The following CTNS variants were observed in gnomAD, a reference collection of about 807,000 sequenced individuals.
CTNS encodes the protein cystinosin, lysosomal cystine transporter.
CTNS carries 27 observed loss-of-function variants against 43.7 expected under a neutral mutation model. The ratio of observed to expected loss-of-function variants is 0.62; its 90% CI spans 0.46 to 0.85. The LOEUF (loss-of-function observed/expected upper bound fraction) is 0.85, where lower values mean the gene tolerates loss of function less well. Ranked by LOEUF, CTNS falls within the 40% of genes least tolerant of loss-of-function variation. The pLI is 0.00. For missense variants in CTNS, 457 were observed against 475.4 expected (o/e 0.96, Z 0.36); for synonymous variants, 187 against 190.6 (o/e 0.98, Z 0.16).
At chr17:3,646,454 A>AT (rs2075846036) in intron 3 of CTNS, among the ~76,000 whole-genome samples, 2 of 151,706 alleles carry the variant, frequency 1.3e-5, no homozygotes, top group South Asian at 4.2e-4. Context: ...AACCCAGCTA[A>AT]TTTTTTGTAT....
Position 3,654,985 on chromosome 17 carries a change from GT to G in CTNS, c.226-12del, listed in dbSNP as rs1395166205. On this transcript the variant is annotated splice_polypyrimidine_tract_variant and intron_variant, in intron 5 of 11. Coordinates refer to ENST00000046640, the MANE Select transcript of CTNS (RefSeq NM_004937.3). ...GTACGTGGCATCGGATTGAACCTCA[GT>G]CTTCCTAACAGGTTGTGGTGCCTCC... 1 of 1,598,020 alleles carries G rather than the reference GT, an allele frequency of 6.3e-7. No homozygotes were observed. Among genetic ancestry groups the G allele is most frequent in the East Asian group, 2.2e-5 (1 of 44,810 alleles).
At chr17:3,654,942 G>C in intron 5 of CTNS, 56 bp from the exon 6 acceptor site, 1 of 1,263,498 alleles carries the variant, frequency 7.9e-7, no homozygotes, top group Non-Finnish European at 1.2e-6. Flanking sequence ...CTAGATGCCA[G>C]CGGGGTCCTC....
chr17:3,641,355 G>GAGATATATATATATATAT (rs777820533), intron 3 of CTNS, among the ~76,000 whole-genome samples: 5 of 64,060 alleles, frequency 7.8e-5, no homozygotes, highest in African/African-American at 4.1e-4. Context: ...ACAAAAATCA[G>GAGATATATATATATATAT]ATACATATAT....
Position 3,658,431 on chromosome 17 carries a change from G to A in CTNS, c.852+256G>A, listed in dbSNP as rs141463123. Among the ~76,000 whole-genome samples the A allele has an allele frequency of 1.7e-3, 266 of 152,294 alleles. 2 individuals carry two copies. Among genetic ancestry groups the A allele is most frequent in the African/African-American group, 6.3e-3 (260 of 41,562 alleles). ...CCCCTAAGCATCAGGTGTGCGGGTG[G>A]TTCCCCTTCTCCACACCCCAGCCTT... On this transcript the variant is annotated intron_variant, in intron 10 of 11. Coordinates refer to ENST00000046640, the MANE Select transcript of CTNS (RefSeq NM_004937.3).
intron 3 of CTNS, among the ~76,000 whole-genome samples, chr17:3,642,033 G>A (rs2075722984): frequency 7.1e-6 from 1 of 141,352 alleles, no homozygotes; most frequent in Non-Finnish European, 1.6e-5. Flanking sequence ...GCGTGTATTT[G>A]CCTGGGCCTG....
At chr17:3,638,180 T>C (rs1206492073) in intron 2 of CTNS, among the ~76,000 whole-genome samples, 4 of 152,154 alleles carry the variant, frequency 2.6e-5, no homozygotes, top group African/African-American at 9.6e-5. Flanking sequence ...TTCATTTCTA[T>C]CTTGTAGCTT....
In CTNS at chr17:3,642,041, CTG is replaced by C. The variant is rs371619089; in HGVS notation, c.61+1788_61+1789del. ...TGCGCGCGCGTGTATTTGCCTGGGC[CTG>C]TGTGTGTGTGTGTACCCGGGCGTGT... On this transcript the variant is annotated intron_variant, in intron 3 of 11. Transcript: ENST00000046640. Among the ~76,000 whole-genome samples the C allele has an allele frequency of 1.3e-3, 190 of 143,772 alleles. 3 individuals are homozygous for C. The highest frequency in any genetic ancestry group is 4.7e-3 in the African/African-American group (179 of 37,834). 94.3% of individuals were successfully genotyped at this position (143,772 alleles called of 152,430 possible).
chr17:3,647,014 G>T (rs1311235813), intron 3 of CTNS, among the ~76,000 whole-genome samples: 1 of 152,180 alleles, frequency 6.6e-6, no homozygotes, highest in Non-Finnish European at 1.5e-5. Context: ...GAAAGGGGCT[G>T]GCCCAGTTCT....
intron 3 of CTNS, among the ~76,000 whole-genome samples, chr17:3,642,090 C>T (rs902338240): frequency 1.6e-5 from 2 of 125,958 alleles, no homozygotes; most frequent in South Asian, 2.5e-4. Context: ...TGTGCCTGGG[C>T]GTGTGTGTGT....
rs543539440 is a variant in CTNS, at chr17:3,662,265, C to G, written c.*1896C>G. 6.6e-6 allele frequency among the ~76,000 whole-genome samples: 1 copy of G among 151,652 alleles called. No homozygotes were observed. Among genetic ancestry groups the G allele is most frequent in the South Asian group, 2.1e-4 (1 of 4,806 alleles). ...GGCGGAGGTTGCAGTGAGCGAAGATCACGCCATTGCACTCCAGCCTGGGCA... is the reference window on the plus strand; with the variant it reads ...GGCGGAGGTTGCAGTGAGCGAAGATGACGCCATTGCACTCCAGCCTGGGCA... On this transcript the variant is annotated 3_prime_UTR_variant, in exon 12 of 12. Coordinates refer to ENST00000046640, the MANE Select transcript of CTNS (RefSeq NM_004937.3).
chr17:3,650,251 C>T (rs1409367867), intron 5 of CTNS: 3 of 1,550,472 alleles, frequency 1.9e-6, no homozygotes, highest in Admixed American at 2.0e-5. Flanking sequence ...TGCAAATCAG[C>T]TCTGAGCCCC....
chr17:3,649,451 C>CA (rs34213111), intron 5 of CTNS, among the ~76,000 whole-genome samples: 2,734 of 94,816 alleles, frequency 0.029, 36 homozygotes, highest in Middle Eastern at 0.06. Context: ...GACTCCTTCT[C>CA]AAAAAAAAAA....
In CTNS at chr17:3,662,205, G is replaced by A. The variant is rs1432634931; in HGVS notation, c.*1836G>A. On this transcript the variant is annotated 3_prime_UTR_variant, in exon 12 of 12. Coordinates refer to ENST00000046640, the MANE Select transcript of CTNS (RefSeq NM_004937.3). The stretch of plus-strand genomic sequence containing the variant: ...GGGCACCTGTAATCCCAGCTACTTG[G>A]TTGGCTGAGGCAGGAGAATTACTTG... Among the ~76,000 whole-genome samples, 1 of 152,088 alleles carries A rather than the reference G, an allele frequency of 6.6e-6. No individual in the cohort carries two copies. The highest frequency in any genetic ancestry group is 2.4e-5 in the African/African-American group (1 of 41,398).
In CTNS at chr17:3,662,452, G is replaced by T. The variant is rs533200063; in HGVS notation, c.*2083G>T. Among the ~76,000 whole-genome samples, 1 of 152,120 alleles carries T rather than the reference G, an allele frequency of 6.6e-6. No homozygotes were observed. The highest frequency in any genetic ancestry group is 6.5e-5 in the Admixed American group (1 of 15,272). Reference sequence around the variant, plus strand: ...ACTCACCCCCATCTGGCCAGATCACGGCCCCCAGCAACACGTGGGGTTGTG... The same window carrying T: ...ACTCACCCCCATCTGGCCAGATCACTGCCCCCAGCAACACGTGGGGTTGTG... On this transcript the variant is annotated 3_prime_UTR_variant, in exon 12 of 12. Coordinates refer to ENST00000046640, the MANE Select transcript of CTNS (RefSeq NM_004937.3).
rs761265471 is a variant in CTNS at position 3,647,488 on chromosome 17, A to G, written c.106A>G (p.Asn36Asp). ...TGTTCCTCCTGTCGTAAAGCTGGAG[A>G]ACGGCAGCTCGACCAACGTCAGCCT... ...LTVPPVVKLE[N>D]GSSTNVSLTL... is the part of the protein sequence containing the mutation. The change falls in exon 4 of 12, where the codon AAC (asparagine) becomes GAC (aspartate). Residue 36 changes from asparagine to aspartate, a missense_variant. Physicochemically the swap from Asn to Asp is conservative, Grantham distance 23 (BLOSUM62 1). Coordinates refer to ENST00000046640, the MANE Select transcript of CTNS (RefSeq NM_004937.3). 1.2e-6 allele frequency: 2 copies of G among 1,614,108 alleles called. No homozygotes were observed. The highest frequency in any genetic ancestry group is 1.7e-6 in the Non-Finnish European group (2 of 1,179,980).
Position 3,656,783 on chromosome 17 carries a change from C to T in CTNS, c.669C>T (p.Cys223=). The T allele has an allele frequency of 6.2e-7, 1 of 1,613,338 alleles. No homozygotes were observed. Among genetic ancestry groups the T allele is most frequent in the Non-Finnish European group, 8.5e-7 (1 of 1,179,994 alleles). ...TCACGCTGATCATCATCGTGCAGTG[C>T]TGCCTGTATGAGGTGAGACCAGCCC... is the stretch of plus-strand genomic sequence containing the variant. ...VVLTLIIIVQ[C]CLYERGGQRV... The change falls in exon 9 of 12, where the codon TGC becomes TGT. Residue 223 remains cysteine, a synonymous_variant. Coordinates refer to ENST00000046640, the MANE Select transcript of CTNS (RefSeq NM_004937.3).
At chr17:3,647,370 G>T in intron 3 of CTNS, 74 bp from the exon 4 acceptor site, 1 of 1,293,864 alleles carries the variant, frequency 7.7e-7, no homozygotes, top group Non-Finnish European at 1.1e-6. Context: ...GATGTCAGGG[G>T]TTTCGGCCCA....
Position 3,650,064 on chromosome 17 carries a change from A to G in CTNS, c.225+1133A>G, listed in dbSNP as rs191383258. 9.1e-5 allele frequency: 130 copies of G among 1,433,638 alleles called. 1 individual carries two copies. The East Asian group carries it at 2.3e-3, about 25-fold the overall frequency. The allele number at this position is 1,433,638 out of a possible 1,614,324, so 88.8% of individuals were successfully genotyped here. On this transcript the variant is annotated intron_variant, in intron 5 of 11. Coordinates refer to ENST00000046640, the MANE Select transcript of CTNS (RefSeq NM_004937.3). The stretch of plus-strand genomic sequence containing the variant: ...AAAAGATAAGTATCTGAGATGATGG[A>G]TATTAATTAGCTTGATTTAGTCATT...
chr17:3,648,133 C>T (rs1018705173), intron 4 of CTNS, among the ~76,000 whole-genome samples: 3 of 152,100 alleles, frequency 2.0e-5, no homozygotes, highest in Admixed American at 1.3e-4. Flanking sequence ...ACCTAGAACC[C>T]TCTCCTTCTC....
Sources: allele counts gnomAD v4.1 joint callset (sites outside exome capture counted in the v4.1 genomes callset), GRCh38; gene constraint gnomAD v4.1.1; transcripts MANE v1.5; gene names NCBI Gene and HGNC (gene_info 2026-07-23, HGNC 2026-07-21).